Variants in TTC8 observed in about 807,000 individuals in gnomAD.
TTC8 encodes the protein tetratricopeptide repeat protein 8.
In TTC8, 47 loss-of-function variants were observed where a neutral mutation model predicts 72.5. The ratio of observed to expected loss-of-function variants is 0.65; its 90% CI spans 0.51 to 0.83. TTC8 has a LOEUF of 0.83. Ranked by LOEUF, TTC8 falls within the 40% of genes least tolerant of loss-of-function variation. The pLI, the probability that TTC8 is intolerant of heterozygous loss-of-function variation, is 0.00. For missense variants in TTC8, 611 were observed against 623.2 expected (o/e 0.98, Z 0.21); for synonymous variants, 199 against 221.4 (o/e 0.90, Z 0.90).
chr14:88,852,997 A>G lies in TTC8; in HGVS notation c.651A>G (p.Thr217=). 3 of 1,613,606 alleles carry G rather than the reference A, an allele frequency of 1.9e-6. No individual in the cohort carries two copies. The highest frequency in any genetic ancestry group is 1.3e-5 in the African/African-American group (1 of 75,032). ...CTTTGGATCTGGCTGCCCTCTCCAC[A>G]GAACATTCTCAGTACAAGGACTGGT... The part of the protein sequence containing the change: ...KTALDLAALS[T]EHSQYKDWWW... The change falls in exon 8 of 15, where the codon ACA becomes ACG. Residue 217 remains threonine, a synonymous_variant. Coordinates refer to ENST00000380656, the MANE Select transcript of TTC8 (RefSeq NM_144596.4).
intron 13 of TTC8, 136 bp from the exon 14 acceptor site, chr14:88,874,890 C>A: frequency 1.7e-6 from 1 of 587,868 alleles, no homozygotes; most frequent in South Asian, 2.5e-5. Flanking sequence ...GGAATGTTGT[C>A]GGTATTTATC....
At chr14:88,859,872 T>C (rs2094876467) in intron 9 of TTC8, among the ~76,000 whole-genome samples, 1 of 118,736 alleles carries the variant, frequency 8.4e-6, no homozygotes. Context: ...ATAATATAAA[T>C]ATATTATATA....
At chr14:88,863,142 T>C (rs1276996432) in intron 10 of TTC8, among the ~76,000 whole-genome samples, 1 of 152,014 alleles carries the variant, frequency 6.6e-6, no homozygotes, top group African/African-American at 2.4e-5. Flanking sequence ...TTTACCTAGG[T>C]CTTTTTTTTG....
intron 2 of TTC8, among the ~76,000 whole-genome samples, chr14:88,835,819 C>A (rs1329705189): frequency 6.6e-6 from 1 of 151,888 alleles, no homozygotes; most frequent in Non-Finnish European, 1.5e-5. Flanking sequence ...GGATGTGAAA[C>A]ATACTTGGCT....
chr14:88,853,525 G>C (rs570694290), intron 8 of TTC8, among the ~76,000 whole-genome samples: 2 of 152,316 alleles, frequency 1.3e-5, no homozygotes, highest in South Asian at 4.1e-4. Context: ...CTTGGAGGTA[G>C]TGGCTATCGT....
At chr14:88,842,239 T>C (rs1186752395) in intron 6 of TTC8, among the ~76,000 whole-genome samples, 1 of 152,252 alleles carries the variant, frequency 6.6e-6, no homozygotes, top group Admixed American at 6.5e-5. Context: ...CTGAAATCTC[T>C]GAGCATAAGT....
intron 1 of TTC8, among the ~76,000 whole-genome samples, chr14:88,828,897 A>G (rs1208182280): frequency 6.6e-6 from 1 of 152,146 alleles, no homozygotes; most frequent in African/African-American, 2.4e-5. Flanking sequence ...TGTATTTTCT[A>G]TTAGGATTTC....
chr14:88,824,444 C>T, upstream of TTC8: 1 of 489,002 alleles, frequency 2.0e-6, no homozygotes, highest in Non-Finnish European at 3.7e-6. Context: ...TTTTGTTTAG[C>T]CGCGGTGCCT....
At chr14:88,861,838 A>G (rs1422827811) in intron 10 of TTC8, among the ~76,000 whole-genome samples, 2 of 152,044 alleles carry the variant, frequency 1.3e-5, no homozygotes, top group Non-Finnish European at 2.9e-5. Context: ...ATGGCTCAAT[A>G]TTGCTTTATT....
intron 12 of TTC8, among the ~76,000 whole-genome samples, chr14:88,872,020 C>A (rs570080412): frequency 3.9e-5 from 6 of 152,242 alleles, no homozygotes; most frequent in African/African-American, 1.4e-4. Context: ...GCACTGCACT[C>A]CAGCCTGGGT....
At chr14:88,876,141 G>A (rs1259756299) in intron 14 of TTC8, among the ~76,000 whole-genome samples, 1 of 152,170 alleles carries the variant, frequency 6.6e-6, no homozygotes, top group Non-Finnish European at 1.5e-5. Flanking sequence ...TGATGTCCAT[G>A]TGTTTCCCAC....
At chr14:88,848,801 A>G (rs543928798) in intron 7 of TTC8, among the ~76,000 whole-genome samples, 1 of 152,300 alleles carries the variant, frequency 6.6e-6, no homozygotes, top group South Asian at 2.1e-4. Context: ...TTTTGAGGTT[A>G]AGATGTATTC....
rs1411911276 is a variant in TTC8 at position 88,861,197 on chromosome 14, T to C, written c.799-25T>C. 2.0e-6 allele frequency: 3 copies of C among 1,482,332 alleles called. No individual in the cohort carries two copies. The African/African-American group carries it at 4.2e-5, about 21-fold the overall frequency. The allele number at this position is 1,482,332 out of a possible 1,614,324, so 91.8% of individuals were successfully genotyped here. A position where few individuals can be genotyped will look rare whatever the true frequency, so the allele number is the denominator to read the frequency against. On this transcript the variant is annotated intron_variant, in intron 9 of 14. Transcript: ENST00000380656. ...ATATTAATTTTAAGAACCTATACTT[T>C]TATTGAAATGTATCTTGTTTTTAGG...
intron 1 of TTC8, among the ~76,000 whole-genome samples, chr14:88,825,204 A>C (rs1266653203): frequency 6.6e-6 from 1 of 152,252 alleles, no homozygotes; most frequent in East Asian, 1.9e-4. Context: ...ATGCATAAAC[A>C]AAGATCTGTG....
At chr14:88,825,501 G>C (rs2140945766) in intron 1 of TTC8, among the ~76,000 whole-genome samples, 1 of 152,324 alleles carries the variant, frequency 6.6e-6, no homozygotes, top group Non-Finnish European at 1.5e-5. Flanking sequence ...TTAAACTAGA[G>C]TAATGTGTAT....
chr14:88,862,844 CA>C (rs1184550966), intron 10 of TTC8, among the ~76,000 whole-genome samples: 4 of 151,162 alleles, frequency 2.6e-5, no homozygotes, highest in African/African-American at 9.7e-5. Flanking sequence ...GTCATGTCGT[CA>C]AATTCTATGA....
At chr14:88,870,284 A>G in intron 11 of TTC8, 86 bp downstream of exon 11, 4 of 1,446,986 alleles carry the variant, frequency 2.8e-6, no homozygotes, top group Non-Finnish European at 3.9e-6. Flanking sequence ...GTATAGAGAA[A>G]TAAGGTATAG....
At chr14:88,843,761 T>TA (rs201515510) in intron 6 of TTC8, 45 bp from the exon 7 acceptor site, 37,216 of 1,188,512 alleles carry the variant, frequency 0.031, 410 homozygotes, top group East Asian at 0.19. Context: ...AACAGCAAAT[T>TA]AAAAAAAAAA....
intron 8 of TTC8, 30 bp from the exon 9 acceptor site, chr14:88,857,160 A>G: frequency 1.9e-6 from 3 of 1,595,458 alleles, no homozygotes; most frequent in Non-Finnish European, 2.6e-6. Flanking sequence ...TTTAAGTTGA[A>G]TGTCTAATTC....
Sources: gnomAD v4.1 joint callset for allele counts (sites outside exome capture counted in the v4.1 genomes callset) on GRCh38, gnomAD v4.1.1 for gene constraint, MANE v1.5 for transcripts, NCBI Gene and HGNC (gene_info 2026-07-23, HGNC 2026-07-21) for gene names.